IDE: variants seen among roughly 807,000 people sequenced by gnomAD.
IDE encodes the protein insulin-degrading enzyme.
IDE carries 58 observed loss-of-function variants against 133.2 expected under a neutral mutation model. The ratio of observed to expected loss-of-function variants is 0.44; its 90% CI spans 0.35 to 0.54. The LOEUF is 0.54. Ranked by LOEUF, IDE falls within the 20% of genes least tolerant of loss-of-function variation. IDE has a pLI of 0.00. For missense variants in IDE, 981 were observed against 1,234.0 expected, an observed-to-expected ratio of 0.79 and a Z score of 3.07; for synonymous variants, 396 against 421.3, an observed-to-expected ratio of 0.94 and a Z score of 0.73.
intron 11 of IDE, among the ~76,000 whole-genome samples, chr10:92,495,069 CTT>C (rs1053553759): frequency 4.8e-5 from 7 of 144,920 alleles, no homozygotes; most frequent in South Asian, 2.2e-4. Context: ...TTTAATTTTT[CTT>C]TTTTTTTTTT....
At chr10:92,461,639 A>G (rs1351497852) in intron 21 of IDE, among the ~76,000 whole-genome samples, 1 of 151,622 alleles carries the variant, frequency 6.6e-6, no homozygotes, top group African/African-American at 2.4e-5. Context: ...TATAGGCGTG[A>G]GCCATCGCGT....
intron 11 of IDE, chr10:92,497,793 G>A: frequency 1.6e-6 from 1 of 611,148 alleles, no homozygotes; most frequent in African/African-American, 2.0e-5. Flanking sequence ...TCCTGTAGAG[G>A]AAAAGTGCTT....
intron 1 of IDE, among the ~76,000 whole-genome samples, chr10:92,547,461 T>TA (rs1336846890): frequency 1.3e-5 from 2 of 152,056 alleles, no homozygotes; most frequent in Admixed American, 6.6e-5. Context: ...GATAGCCTTC[T>TA]AAAAAAAGCA....
chr10:92,495,770 GA>G (rs199508186), intron 11 of IDE, among the ~76,000 whole-genome samples: 5 of 149,296 alleles, frequency 3.3e-5, no homozygotes, highest in African/African-American at 9.8e-5. Context: ...ACAGAAAGTT[GA>G]AAAAAAAATC....
intron 15 of IDE, among the ~76,000 whole-genome samples, chr10:92,477,371 G>A (rs959589665): frequency 6.6e-6 from 1 of 151,102 alleles, no homozygotes; most frequent in Non-Finnish European, 1.5e-5. Context: ...CAGGAGGCTG[G>A]TCTCGAACTC....
chr10:92,537,248 A>C, intron 2 of IDE, 118 bp downstream of exon 2: 1 of 694,514 alleles, frequency 1.4e-6, no homozygotes, highest in Non-Finnish European at 2.3e-6. Context: ...CTGGTATAAA[A>C]TAAGGTACAT....
At chr10:92,485,622 A>C (rs185834176) in intron 13 of IDE, among the ~76,000 whole-genome samples, 74 of 152,284 alleles carry the variant, frequency 4.9e-4, no homozygotes, top group Non-Finnish European at 8.5e-4. Context: ...TGTTCTCGTT[A>C]GTTTGCTCTG....
At chr10:92,509,921 C>CAA (rs11324773) in intron 6 of IDE, 129 bp downstream of exon 6, 16,141 of 332,612 alleles carry the variant, frequency 0.049, 3 homozygotes, top group East Asian at 0.087. Context: ...ACTCTGTTTC[C>CAA]AAAAAAAAAA....
intron 1 of IDE, among the ~76,000 whole-genome samples, chr10:92,556,033 C>T (rs1010859656): frequency 6.6e-6 from 1 of 151,326 alleles, no homozygotes; most frequent in Non-Finnish European, 1.5e-5. Flanking sequence ...ATTAGCGGGG[C>T]GCGGTGGCGG....
chr10:92,571,378 C>T (rs1843780274), intron 1 of IDE, among the ~76,000 whole-genome samples: 1 of 152,194 alleles, frequency 6.6e-6, no homozygotes, highest in African/African-American at 2.4e-5. Flanking sequence ...CAGGGGTACC[C>T]TGTTCTTTTA....
intron 19 of IDE, 88 bp from the exon 20 acceptor site, chr10:92,465,931 T>C (rs527700174): frequency 5.4e-6 from 6 of 1,109,516 alleles, no homozygotes; most frequent in African/African-American, 1.5e-5. Flanking sequence ...CACTTACAGA[T>C]GATAATTTAG....
chr10:92,518,565 A>G lies in IDE; in HGVS notation c.662-3523T>C, dbSNP rs1849047452. 2.0e-5 allele frequency among the ~76,000 whole-genome samples: 3 copies of G among 152,214 alleles called. 1 individual carries two copies. In the South Asian group the frequency reaches 6.2e-4, roughly 31 times the overall value. ...AGATGTCCATATCCTACTACATAGT[A>G]ATTCCACTCCTGGATATATGTATCC... On this transcript the variant is annotated intron_variant, in intron 4 of 24. Transcript: ENST00000265986.
chr10:92,463,987 G>A lies in IDE; in HGVS notation c.2505C>T (p.Ser835=), dbSNP rs535825881. The A allele has an allele frequency of 6.6e-5, 106 of 1,613,304 alleles. 1 individual carries two copies. In the South Asian group the frequency reaches 8.5e-4, roughly 13 times the overall value. Residue 835 remains serine (S), a synonymous_variant, in exon 21 of 25, where the codon AGC becomes AGT. Transcript: ENST00000265986. The stretch of plus-strand genomic sequence containing the variant: ...GTATGCCATTAGCTCGACGTGGCCC[G>A]CTGAAGACGATATAGCCTGAAACAC... ...TKEQLGYIVF[S]GPRRANGIQG...
chr10:92,559,751 T>C (rs908399883), intron 1 of IDE, among the ~76,000 whole-genome samples: 1 of 151,594 alleles, frequency 6.6e-6, no homozygotes, highest in Non-Finnish European at 1.5e-5. Context: ...TTTTTTTTTT[T>C]TTTTTTGAGA....
chr10:92,533,116 A>C (rs1164579871), intron 3 of IDE, among the ~76,000 whole-genome samples: 1 of 152,186 alleles, frequency 6.6e-6, no homozygotes, highest in Admixed American at 6.6e-5. Context: ...GCCCAGATAA[A>C]GGATCATGTT....
Position 92,510,122 on chromosome 10 carries a change from A to C in IDE, c.825T>G (p.Phe275Leu), listed in dbSNP as rs767688483. ...GAACATTTTTGTTCTCTACTTCAGA[A>C]AATAACTTTACCACCAGATTAGTCA... Reference protein sequence around the residue: ...DDLTNLVVKLFSEVENKNVPL... With the variant: ...DDLTNLVVKLLSEVENKNVPL... Residue 275 changes from phenylalanine to leucine, a missense_variant, in exon 6 of 25, where the codon TTT (phenylalanine) becomes TTG (leucine). Transcript: ENST00000265986. 4 of 1,603,612 alleles carry C rather than the reference A, an allele frequency of 2.5e-6. No individual in the cohort carries two copies. The highest frequency in any genetic ancestry group is 3.4e-6 in the Non-Finnish European group (4 of 1,171,774).
intron 2 of IDE, among the ~76,000 whole-genome samples, chr10:92,536,600 A>G (rs2135698601): frequency 6.6e-6 from 1 of 151,460 alleles, no homozygotes; most frequent in South Asian, 2.1e-4. Context: ...TGGGAGGCTG[A>G]GGTAGGAGAA....
chr10:92,519,684 G>T (rs1390126564), intron 4 of IDE, among the ~76,000 whole-genome samples: 1 of 152,178 alleles, frequency 6.6e-6, no homozygotes, highest in African/African-American at 2.4e-5. Flanking sequence ...CTCAATCCCT[G>T]ACTCTCCTTC....
chr10:92,544,874 A>G lies in IDE; in HGVS notation c.99-7324T>C, dbSNP rs575636916. ...TAAAGCAAGAGAGTATATGTACAGA[A>G]CTGACTCATGCATGAAAGGAAACAT... On this transcript the variant is annotated intron_variant, in intron 1 of 24. Coordinates refer to ENST00000265986, the MANE Select transcript of IDE (RefSeq NM_004969.4). Among the ~76,000 whole-genome samples, 6 of 152,336 alleles carry G rather than the reference A, an allele frequency of 3.9e-5. 1 individual carries two copies. The South Asian group carries it at 1.2e-3, about 32-fold the overall frequency.
Sources: allele counts gnomAD v4.1 joint callset (sites outside exome capture counted in the v4.1 genomes callset), GRCh38; gene constraint gnomAD v4.1.1; transcripts MANE v1.5; gene names NCBI Gene and HGNC (gene_info 2026-07-23, HGNC 2026-07-21).